Variants in CAMK1D observed in about 807,000 individuals in gnomAD.
CAMK1D encodes the protein calcium/calmodulin dependent protein kinase ID.
In CAMK1D, 9 loss-of-function variants were observed where a neutral mutation model predicts 47.7. That is an observed-to-expected ratio of 0.19 (90% confidence interval 0.11 to 0.33). The LOEUF (loss-of-function observed/expected upper bound fraction) is 0.33, where lower values mean the gene tolerates loss of function less well. CAMK1D is among the 10% of genes least tolerant of loss of function. CAMK1D has a pLI of 1.00. For synonymous variants in CAMK1D, 184 were observed against 184.9 expected, an observed-to-expected ratio of 0.99 and a Z score of 0.04; for missense variants, 291 against 488.7, an observed-to-expected ratio of 0.60 and a Z score of 3.81.
At chr10:12,806,241 GT>G (rs1838725513) in intron 6 of CAMK1D, among the ~76,000 whole-genome samples, 1 of 152,164 alleles carries the variant, frequency 6.6e-6, no homozygotes, top group Non-Finnish European at 1.5e-5. Context: ...TTGGGTATCT[GT>G]CCCCCTGACC....
intron 2 of CAMK1D, among the ~76,000 whole-genome samples, chr10:12,645,000 CT>C (rs5783281): frequency 0.51 from 76,572 of 149,040 alleles, 19,830 homozygotes; most frequent in Middle Eastern, 0.57. Context: ...GAATTTGTGA[CT>C]TTTTTTTTTT....
chr10:12,813,852 C>A (rs933602717), intron 6 of CAMK1D, among the ~76,000 whole-genome samples: 2 of 151,944 alleles, frequency 1.3e-5, no homozygotes, highest in Non-Finnish European at 2.9e-5. Context: ...CCTCCACCTC[C>A]CAGGCTCAAG....
intron 6 of CAMK1D, among the ~76,000 whole-genome samples, chr10:12,813,855 G>T (rs767884450): frequency 5.3e-5 from 8 of 151,560 alleles, no homozygotes; most frequent in Non-Finnish European, 1.2e-4. Flanking sequence ...CCACCTCCCA[G>T]GCTCAAGGAT....
At chr10:12,671,667 A>G (rs942515481) in intron 3 of CAMK1D, among the ~76,000 whole-genome samples, 76 of 151,822 alleles carry the variant, frequency 5.0e-4, no homozygotes, top group African/African-American at 1.8e-3. Context: ...ATATATTAAA[A>G]TCCTTTATCC....
At chr10:12,570,182 A>G (rs1255495176) in intron 2 of CAMK1D, among the ~76,000 whole-genome samples, 4 of 152,124 alleles carry the variant, frequency 2.6e-5, no homozygotes, top group Non-Finnish European at 5.9e-5. Context: ...CCTGGGCGAC[A>G]GAGTGAGACT....
chr10:12,680,884 C>CA (rs112938242), intron 3 of CAMK1D, among the ~76,000 whole-genome samples: 36,001 of 140,214 alleles, frequency 0.26, 4,811 homozygotes, highest in East Asian at 0.33. Context: ...GACCATGTCT[C>CA]AAAAAAAAAA....
At chr10:12,420,567 T>C (rs1269393919) in intron 1 of CAMK1D, among the ~76,000 whole-genome samples, 2 of 152,236 alleles carry the variant, frequency 1.3e-5, no homozygotes, top group Admixed American at 1.3e-4. Context: ...ATACTCTTTT[T>C]TTTTTAATTG....
At chr10:12,562,101 C>T (rs1836963065) in intron 2 of CAMK1D, among the ~76,000 whole-genome samples, 1 of 152,156 alleles carries the variant, frequency 6.6e-6, no homozygotes, top group Admixed American at 6.6e-5. Flanking sequence ...AAACAGGGTT[C>T]TTTAGCTCAC....
intron 2 of CAMK1D, among the ~76,000 whole-genome samples, chr10:12,613,352 G>A (rs1162588947): frequency 6.6e-6 from 1 of 151,700 alleles, no homozygotes; most frequent in African/African-American, 2.4e-5. Flanking sequence ...CATTACACGA[G>A]ACTGTGACAA....
intron 1 of CAMK1D, among the ~76,000 whole-genome samples, chr10:12,373,664 C>A (rs930248590): frequency 5.9e-5 from 9 of 151,980 alleles, no homozygotes; most frequent in African/African-American, 2.2e-4. Context: ...AAAAACACCC[C>A]AAAATCTCCC....
intron 3 of CAMK1D, among the ~76,000 whole-genome samples, chr10:12,689,844 T>A (rs1002364322): frequency 2.0e-5 from 3 of 152,102 alleles, no homozygotes; most frequent in Non-Finnish European, 2.9e-5. Flanking sequence ...TATATTCAGC[T>A]TATTATTAAG....
chr10:12,420,595 T>G (rs1339981912), intron 1 of CAMK1D, among the ~76,000 whole-genome samples: 2 of 152,116 alleles, frequency 1.3e-5, no homozygotes, highest in African/African-American at 4.8e-5. Context: ...AAATGGAATG[T>G]GCCCCCAAAC....
intron 2 of CAMK1D, among the ~76,000 whole-genome samples, chr10:12,592,733 A>T (rs17151937): frequency 0.051 from 7,840 of 152,284 alleles, 523 homozygotes; most frequent in East Asian, 0.25. Flanking sequence ...GTTCAATGCC[A>T]GCCTACTGCT....
intron 5 of CAMK1D, among the ~76,000 whole-genome samples, chr10:12,786,655 T>C (rs1213701883): frequency 2.6e-5 from 4 of 152,236 alleles, no homozygotes; most frequent in Non-Finnish European, 5.9e-5. Flanking sequence ...AACTCTGGGC[T>C]CAAGTGATCC....
At chr10:12,637,745 A>G (rs1321082700) in intron 2 of CAMK1D, among the ~76,000 whole-genome samples, 1 of 151,908 alleles carries the variant, frequency 6.6e-6, no homozygotes, top group Non-Finnish European at 1.5e-5. Context: ...AGCATCCGTG[A>G]CTCCTTTAGC....
At chr10:12,718,396 C>T (rs1834238887) in intron 3 of CAMK1D, among the ~76,000 whole-genome samples, 1 of 152,204 alleles carries the variant, frequency 6.6e-6, no homozygotes, top group African/African-American at 2.4e-5. Context: ...AAGAAAGTTT[C>T]TCGTCAACTC....
chr10:12,361,571 A>ATTT (rs1837665470), intron 1 of CAMK1D, among the ~76,000 whole-genome samples: 2 of 33,442 alleles, frequency 6.0e-5, no homozygotes, highest in African/African-American at 2.2e-4. Context: ...TTTTTTTTTA[A>ATTT]TTGAGATGGA....
intron 1 of CAMK1D, among the ~76,000 whole-genome samples, chr10:12,388,880 G>A (rs757602898): frequency 5.3e-5 from 8 of 152,178 alleles, no homozygotes; most frequent in Admixed American, 1.3e-4. Context: ...GAGGCACGTC[G>A]TGCTGTTCTA....
chr10:12,789,265 A>G (rs554920583), intron 5 of CAMK1D, among the ~76,000 whole-genome samples: 15 of 150,648 alleles, frequency 1.0e-4, no homozygotes, highest in Non-Finnish European at 1.9e-4. Context: ...AGTGTATTTT[A>G]TGTGAGGCCC....
Sources: gnomAD v4.1 joint callset for allele counts (sites outside exome capture counted in the v4.1 genomes callset) on GRCh38, gnomAD v4.1.1 for gene constraint, MANE v1.5 for transcripts, NCBI Gene and HGNC (gene_info 2026-07-23, HGNC 2026-07-21) for gene names.